Variants in SMC3 observed in about 807,000 individuals in gnomAD.
SMC3 encodes the protein structural maintenance of chromosomes 3, also known as structural maintenance of chromosomes protein 3.
In SMC3, 20 loss-of-function variants were observed where a neutral mutation model predicts 171.8. That is an observed-to-expected ratio of 0.12 (90% CI 0.08 to 0.17). The LOEUF is 0.17. Among genes scored for constraint, SMC3 ranks in the 10% least tolerant of loss-of-function variants. SMC3 has a pLI of 1.00. For missense variants in SMC3, 543 were observed against 1,420.4 expected, an observed-to-expected ratio of 0.38 and a Z score of 9.93; for synonymous variants, 464 against 451.1, an observed-to-expected ratio of 1.03 and a Z score of -0.36.
At chr10:110,589,771 GTCTTTAAGT>G (rs1178433084) in intron 14 of SMC3, 63 bp downstream of exon 14, 19 of 1,418,032 alleles carry the variant, frequency 1.3e-5, no homozygotes, top group Non-Finnish European at 1.9e-5. Flanking sequence ...CTGTTATGTG[GTCTTTAAGT>G]TACAAGTTAA....
intron 20 of SMC3, among the ~76,000 whole-genome samples, chr10:110,598,665 C>T (rs1423475352): frequency 1.3e-5 from 2 of 152,064 alleles, no homozygotes; most frequent in African/African-American, 4.8e-5. Flanking sequence ...CTTGCCCTCC[C>T]GAAGTGCTGG....
chr10:110,596,323 AGTT>A (rs1420273942), intron 18 of SMC3, 72 bp from the exon 19 acceptor site: 1 of 1,355,088 alleles, frequency 7.4e-7, no homozygotes, highest in Non-Finnish European at 1.0e-6. Flanking sequence ...CCTGTAGGTT[AGTT>A]TTTTTGTTAT....
chr10:110,593,001 A>T, intron 17 of SMC3, 72 bp from the exon 18 acceptor site: 2 of 1,212,812 alleles, frequency 1.6e-6, no homozygotes, highest in Non-Finnish European at 2.4e-6. Flanking sequence ...TTTCATAAAG[A>T]TGTAATTTCA....
chr10:110,596,604 T>G, intron 19 of SMC3, 54 bp downstream of exon 19: 1 of 1,537,110 alleles, frequency 6.5e-7, no homozygotes, highest in Non-Finnish European at 8.9e-7. Flanking sequence ...GAACTGTGTT[T>G]TGGTTGCCAT....
Position 110,593,137 on chromosome 10 carries a change from T to C in SMC3, c.1877T>C (p.Val626Ala). 1 of 1,613,844 alleles carries C rather than the reference T, an allele frequency of 6.2e-7. No individual in the cohort carries two copies. Among genetic ancestry groups the C allele is most frequent in the Non-Finnish European group, 8.5e-7 (1 of 1,179,702 alleles). The part of the protein sequence containing the change: ...NPRFDKAFKH[V>A]FGKTLICRSM... ...AGATTTGACAAAGCTTTCAAACATGTGTTTGGAAAGACTCTTATTTGTCGT... is the reference window on the plus strand; with the variant it reads ...AGATTTGACAAAGCTTTCAAACATGCGTTTGGAAAGACTCTTATTTGTCGT... The change falls in exon 18 of 29, where the codon GTG (valine) becomes GCG (alanine). Residue 626 changes from valine to alanine, a missense_variant. By Grantham distance (64) the Val-to-Ala change is moderately conservative. This residue lies in a region of SMC3 where 218 missense variants were observed against 509.6 expected (regional missense o/e 0.43). Transcript: ENST00000361804.
chr10:110,585,276 AGCTGATAGTAACAATTTTTTTTTTT>A (rs1006746673), intron 13 of SMC3, among the ~76,000 whole-genome samples: 10 of 142,218 alleles, frequency 7.0e-5, no homozygotes, highest in Non-Finnish European at 1.1e-4. Flanking sequence ...CACCGTGCCC[AGCTGATAGTAACAATTTTTTTTTTT>A]TTTTTTTAAT....
chr10:110,584,491 C>T (rs1186178367), intron 13 of SMC3, 95 bp downstream of exon 13: 3 of 830,426 alleles, frequency 3.6e-6, no homozygotes, highest in African/African-American at 1.7e-5. Context: ...AATAAGTCTA[C>T]ATGTTGCTCT....
intron 17 of SMC3, 91 bp from the exon 18 acceptor site, chr10:110,592,982 T>C: frequency 9.1e-7 from 1 of 1,094,208 alleles, no homozygotes. Context: ...TGTTTATGGT[T>C]TATTTGTATT....
In SMC3 at chr10:110,603,020, T is replaced by C; in HGVS notation, c.3475+18T>C. Reference sequence around the variant, plus strand: ...TGTGTCAGGTACAGTTTCAGTACAGTTTTGGTTTTGTATTTAACAATAAGC... The same window carrying C: ...TGTGTCAGGTACAGTTTCAGTACAGCTTTGGTTTTGTATTTAACAATAAGC... On this transcript the variant is annotated intron_variant, in intron 27 of 28. Coordinates refer to ENST00000361804, the MANE Select transcript of SMC3 (RefSeq NM_005445.4). 1 of 1,613,608 alleles carries C rather than the reference T, an allele frequency of 6.2e-7. No homozygotes were observed. The highest frequency in any genetic ancestry group is 8.5e-7 in the Non-Finnish European group (1 of 1,179,530).
intron 13 of SMC3, among the ~76,000 whole-genome samples, chr10:110,588,044 G>A (rs562846507): frequency 1.3e-5 from 2 of 152,304 alleles, no homozygotes; most frequent in Non-Finnish European, 2.9e-5. Flanking sequence ...AGGTTGGAGT[G>A]CAGTGACACA....
At chr10:110,594,100 A>G (rs1198134291) in intron 18 of SMC3, among the ~76,000 whole-genome samples, 1 of 6,704 alleles carries the variant, frequency 1.5e-4, no homozygotes, top group Non-Finnish European at 8.0e-4. Flanking sequence ...TGTCTCTGAA[A>G]TGTGATCATA....
chr10:110,602,313 G>C (rs879059073), intron 25 of SMC3, 135 bp downstream of exon 25: 1 of 959,878 alleles, frequency 1.0e-6, no homozygotes, highest in South Asian at 1.4e-5. Flanking sequence ...CTAGCATATA[G>C]GTTTACAGTA....
At chr10:110,594,832 A>G (rs1564793683) in intron 18 of SMC3, among the ~76,000 whole-genome samples, 1 of 152,192 alleles carries the variant, frequency 6.6e-6, no homozygotes, top group Admixed American at 6.5e-5. Context: ...TCCTAACAAT[A>G]AGAACATTCT....
Position 110,600,541 on chromosome 10 carries a change from G to A in SMC3, c.2530G>A (p.Glu844Lys). Residue 844 changes from glutamate to lysine, a missense_variant, in exon 22 of 29, where the codon GAA (glutamate) becomes AAA (lysine). Transcript: ENST00000361804. ...ENLRKRLDQV[E>K]QELNELRETE... ...TCTGAGAAAACGCTTGGACCAAGTA[G>A]AACAGGTGTGTATGTGTTTTTTTTT... is the stretch of plus-strand genomic sequence containing the variant. 6.8e-7 allele frequency: 1 copy of A among 1,465,316 alleles called. No individual in the cohort carries two copies. The highest frequency in any genetic ancestry group is 9.6e-7 in the Non-Finnish European group (1 of 1,045,674). The allele number at this position is 1,465,316 out of a possible 1,614,324, so 90.8% of individuals were successfully genotyped here.
chr10:110,583,989 A>G, intron 12 of SMC3, 27 bp downstream of exon 12: 4 of 1,612,090 alleles, frequency 2.5e-6, no homozygotes, highest in Non-Finnish European at 3.4e-6. Flanking sequence ...CAACACTTTA[A>G]CTTTCTACAT....
chr10:110,568,165 C>T (rs895170730), intron 1 of SMC3, among the ~76,000 whole-genome samples: 4 of 152,030 alleles, frequency 2.6e-5, no homozygotes, highest in Non-Finnish European at 5.9e-5. Context: ...GGGGGCACCC[C>T]GCCGGGGCGG....
At chr10:110,596,612 C>T in intron 19 of SMC3, 62 bp downstream of exon 19, 1 of 1,470,004 alleles carries the variant, frequency 6.8e-7, no homozygotes, top group Admixed American at 2.0e-5. Context: ...TTTTGGTTGC[C>T]ATATATAATC....
At chr10:110,603,161 A>G (rs1219789731) in intron 27 of SMC3, 23 bp from the exon 28 acceptor site, 6 of 1,569,356 alleles carry the variant, frequency 3.8e-6, no homozygotes, top group South Asian at 1.1e-5. Context: ...GAAATTTGTT[A>G]AAGCACAATT....
chr10:110,593,254 G>C, intron 18 of SMC3, 31 bp downstream of exon 18: 4 of 1,601,798 alleles, frequency 2.5e-6, no homozygotes, highest in Middle Eastern at 1.7e-4. Context: ...GCTTTAAACA[G>C]ATAAATTCTA....
Sources: allele counts gnomAD v4.1 joint callset (sites outside exome capture counted in the v4.1 genomes callset), GRCh38; gene constraint gnomAD v4.1.1; regional missense constraint gnomAD v4.1.1; transcripts MANE v1.5; gene names NCBI Gene and HGNC (gene_info 2026-07-23, HGNC 2026-07-21).